The following MYH10 variants were observed in gnomAD, a reference collection of about 807,000 sequenced individuals.
MYH10 encodes the protein myosin heavy chain 10.
Under a neutral mutation model 257.8 loss-of-function variants are expected in MYH10, and 55 were observed. The ratio of observed to expected loss-of-function variants is 0.21; its 90% CI spans 0.17 to 0.27. The LOEUF is 0.27. Ranked by LOEUF, MYH10 falls within the 10% of genes least tolerant of loss-of-function variation. The pLI is 1.00. For synonymous variants in MYH10, 854 were observed against 921.7 expected, an observed-to-expected ratio of 0.93 and a Z score of 1.33; for missense variants, 1,631 against 2,500.6, an observed-to-expected ratio of 0.65 and a Z score of 7.42.
At position 8,528,151 on chromosome 17, in the gene MYH10, C is replaced by T. The variant is rs1344692949; in HGVS notation, c.1957+2472G>A. ...TAGCACACATGGAGGTTCAAAGAGC[C>T]TAACTGGTGCTGTTCTATGAAGGAA... On this transcript the variant is annotated intron_variant, in intron 17 of 42. Coordinates refer to ENST00000360416, the MANE Select transcript of MYH10 (RefSeq NM_001256012.3). Among the ~76,000 whole-genome samples, 3 of 152,182 alleles carry T rather than the reference C, an allele frequency of 2.0e-5. No individual in the cohort carries two copies. The East Asian group carries it at 5.8e-4, about 29-fold the overall frequency.
chr17:8,495,688 A>G (rs1271998133), intron 30 of MYH10, among the ~76,000 whole-genome samples: 1 of 152,022 alleles, frequency 6.6e-6, no homozygotes, highest in Non-Finnish European at 1.5e-5. Flanking sequence ...ATAGAACTTG[A>G]AGCTTCTATA....
chr17:8,504,643 C>G lies in MYH10; in HGVS notation c.3599+51G>C, dbSNP rs767549493. ...CACACCAGGCATTTCTGCACGGGCT[C>G]GGTGGAGAGGTCGGCAGGCGCCCGG... On this transcript the variant is annotated intron_variant, in intron 28 of 42. Coordinates refer to ENST00000360416, the MANE Select transcript of MYH10 (RefSeq NM_001256012.3). The surrounding 1 kb of genome is among the most constrained non-coding windows in gnomAD (Gnocchi z 5.6). 11 of 1,528,988 alleles carry G rather than the reference C, an allele frequency of 7.2e-6. No individual in the cohort carries two copies. Among genetic ancestry groups the G allele is most frequent in the African/African-American group, 1.4e-5 (1 of 72,758 alleles). 94.7% of individuals were successfully genotyped at this position (1,528,988 alleles called of 1,614,324 possible). A position where few individuals can be genotyped will look rare whatever the true frequency, so the allele number is the denominator to read the frequency against.
At chr17:8,582,400 G>A (rs6503127) in intron 4 of MYH10, among the ~76,000 whole-genome samples, 147,146 of 152,322 alleles carry the variant, frequency 0.97, 71,279 homozygotes, top group East Asian at 1. Context: ...AGATGTTAAC[G>A]GTGAAGCAGT....
chr17:8,628,189 T>C (rs1598017516), intron 1 of MYH10, among the ~76,000 whole-genome samples: 1 of 152,236 alleles, frequency 6.6e-6, no homozygotes. Context: ...AGGAATCTTT[T>C]TGTTAGCGAA....
intron 7 of MYH10, among the ~76,000 whole-genome samples, chr17:8,564,406 T>C (rs915016427): frequency 3.3e-5 from 5 of 152,192 alleles, no homozygotes; most frequent in Admixed American, 6.5e-5. Flanking sequence ...TGGTATGACA[T>C]TGATCTCAAC....
chr17:8,524,274 C>T (rs1050716211), intron 17 of MYH10, among the ~76,000 whole-genome samples: 2 of 151,810 alleles, frequency 1.3e-5, no homozygotes, highest in African/African-American at 4.8e-5. Flanking sequence ...AAACCTGTCT[C>T]TACTAAAAGT....
At chr17:8,555,862 T>G (rs2082775381) in intron 7 of MYH10, among the ~76,000 whole-genome samples, 1 of 149,800 alleles carries the variant, frequency 6.7e-6, no homozygotes, top group African/African-American at 2.5e-5. Flanking sequence ...AGCCACAAAC[T>G]GGGAGATAAT....
At chr17:8,550,959 C>A (rs2082620203) in intron 9 of MYH10, among the ~76,000 whole-genome samples, 1 of 151,550 alleles carries the variant, frequency 6.6e-6, no homozygotes, top group Admixed American at 6.6e-5. Flanking sequence ...CCTTAAGAGT[C>A]ATCACCACTC....
intron 13 of MYH10, among the ~76,000 whole-genome samples, chr17:8,542,634 C>T (rs966879449): frequency 2.6e-5 from 4 of 152,068 alleles, no homozygotes; most frequent in Non-Finnish European, 5.9e-5. Context: ...ATAAATGAGA[C>T]AGTAAGAAAA....
chr17:8,564,385 C>T (rs776084187), intron 7 of MYH10, among the ~76,000 whole-genome samples: 1 of 152,144 alleles, frequency 6.6e-6, no homozygotes, highest in Non-Finnish European at 1.5e-5. Context: ...TTTTTAACAT[C>T]GTACTACTCT....
At chr17:8,511,071 T>TATATATATATATATAC (rs1336387130) in intron 24 of MYH10, 3 of 82,330 alleles carry the variant, frequency 3.6e-5, no homozygotes, top group East Asian at 5.3e-4. Flanking sequence ...CACACATACA[T>TATATATATATATATAC]ACATACACAC....
intron 24 of MYH10, among the ~76,000 whole-genome samples, 162 bp from the exon 25 acceptor site, chr17:8,510,111 T>C (rs1174353635): frequency 6.7e-6 from 1 of 149,988 alleles, no homozygotes; most frequent in Non-Finnish European, 1.5e-5. Context: ...CCACCTCGGC[T>C]CGCTGCAACC....
intron 21 of MYH10, among the ~76,000 whole-genome samples, chr17:8,514,511 C>T (rs995048733): frequency 1.3e-5 from 2 of 152,094 alleles, no homozygotes; most frequent in Non-Finnish European, 2.9e-5. Flanking sequence ...GGGCTTCCCA[C>T]TACACCCTGT....
chr17:8,479,452 GAAAC>G (rs943438835), intron 40 of MYH10, among the ~76,000 whole-genome samples: 21 of 152,190 alleles, frequency 1.4e-4, no homozygotes, highest in Non-Finnish European at 2.6e-4. Flanking sequence ...ATTCCAACTA[GAAAC>G]AAACCCTTAA....
chr17:8,627,598 T>G (rs1319450077), intron 1 of MYH10, among the ~76,000 whole-genome samples: 2 of 152,236 alleles, frequency 1.3e-5, no homozygotes, highest in Admixed American at 1.3e-4. Context: ...TGGAGATATT[T>G]TGTTCAGTTT....
intron 5 of MYH10, 76 bp downstream of exon 5, chr17:8,577,160 G>GA: frequency 8.4e-7 from 1 of 1,192,588 alleles, no homozygotes; most frequent in Non-Finnish European, 1.2e-6. Flanking sequence ...GTGGAGAGTA[G>GA]ACTGGCTTCC....
Position 8,535,803 on chromosome 17 carries a change from T to C in MYH10, c.1734A>G (p.Gln578=). The stretch of plus-strand genomic sequence containing the variant: ...TGCAAAAATCAGCTTTGTCTTTTAA[T>C]TGTCGAGGTTTCTGAAACTTGGAGT... ...GSHSKFQKPR[Q]LKDKADFCII... Residue 578 remains glutamine (Q), a synonymous_variant, in exon 15 of 43, where the codon CAA becomes CAG. Transcript: ENST00000360416. This position sits in a 1 kb window ranked among gnomAD's most constrained non-coding sequence, Gnocchi z 4.3. 1.2e-6 allele frequency: 2 copies of C among 1,614,200 alleles called. No individual in the cohort carries two copies. The highest frequency in any genetic ancestry group is 1.7e-6 in the Non-Finnish European group (2 of 1,180,028).
chr17:8,490,131 G>A lies in MYH10; in HGVS notation c.4884+209C>T, dbSNP rs573156712. The A allele has an allele frequency of 1.0e-3, 512 of 506,698 alleles. No individual in the cohort carries two copies. The highest frequency in any genetic ancestry group is 1.4e-3 in the Non-Finnish European group (395 of 282,998). The allele number at this position is 506,698 out of a possible 1,614,324, so 31.4% of individuals were successfully genotyped here. On this transcript the variant is annotated intron_variant, in intron 35 of 42. Transcript: ENST00000360416. The surrounding 1 kb of genome is among the most constrained non-coding windows in gnomAD (Gnocchi z 4.1). ...TGATAAGTGTCTGGCTTGTAGGCAGGAATGATACTGAGAAATAGTAAGACC... is the reference window on the plus strand; with the variant it reads ...TGATAAGTGTCTGGCTTGTAGGCAGAAATGATACTGAGAAATAGTAAGACC...
intron 3 of MYH10, among the ~76,000 whole-genome samples, chr17:8,601,008 A>C (rs1389365581): frequency 1.3e-5 from 2 of 152,244 alleles, no homozygotes; most frequent in African/African-American, 4.8e-5. Context: ...AAATGAAAAC[A>C]TGACTGGAAA....
Sources: allele counts gnomAD v4.1 joint callset (sites outside exome capture counted in the v4.1 genomes callset), GRCh38; gene constraint gnomAD v4.1.1; non-coding constraint Gnocchi (gnomAD v3.1); transcripts MANE v1.5; gene names NCBI Gene and HGNC (gene_info 2026-07-23, HGNC 2026-07-21).